The following COL3A1 variants were observed in gnomAD, a reference collection of about 807,000 sequenced individuals.
COL3A1 encodes the protein collagen alpha-1(III) chain.
Under a neutral mutation model 200.9 loss-of-function variants are expected in COL3A1, and 46 were observed. The observed-to-expected ratio is 0.23, with a 90% CI of 0.18 to 0.29. The LOEUF (loss-of-function observed/expected upper bound fraction) is 0.29. Among genes scored for constraint, COL3A1 ranks in the 10% least tolerant of loss-of-function variants. The probability of loss-of-function intolerance (pLI) is 1.00; values close to 1 mark genes in which losing one functional copy is unlikely to be tolerated. For missense variants in COL3A1, 1,367 were observed against 1,917.6 expected (o/e 0.71, Z 5.36); for synonymous variants, 650 against 628.0 (o/e 1.03, Z -0.52).
chr2:188,991,990 C>T (rs1688200117), intron 13 of COL3A1, among the ~76,000 whole-genome samples, 194 bp from the exon 14 acceptor site: 5 of 152,104 alleles, frequency 3.3e-5, no homozygotes, highest in Admixed American at 3.3e-4. Context: ...ACACAGACTC[C>T]AATCCTTCTA....
At chr2:188,984,385 G>A (rs1159050449) in intron 1 of COL3A1, among the ~76,000 whole-genome samples, 1 of 151,960 alleles carries the variant, frequency 6.6e-6, no homozygotes, top group Non-Finnish European at 1.5e-5. Flanking sequence ...GCTCCCATCT[G>A]CTGTTAAGGC....
intron 41 of COL3A1, among the ~76,000 whole-genome samples, chr2:189,005,934 T>C (rs1177863932): frequency 6.6e-6 from 1 of 152,210 alleles, no homozygotes; most frequent in Non-Finnish European, 1.5e-5. Context: ...TTTAGATCAC[T>C]ATTTCTTAAA....
At chr2:188,990,034 T>G in intron 8 of COL3A1, 62 bp from the exon 9 acceptor site, 1 of 1,467,408 alleles carries the variant, frequency 6.8e-7, no homozygotes, top group Non-Finnish European at 9.6e-7. Flanking sequence ...CCATTTTGCT[T>G]ATTGGCTACA....
intron 32 of COL3A1, 92 bp downstream of exon 32, chr2:188,999,987 C>G (rs758698717): frequency 1.2e-5 from 15 of 1,289,526 alleles, no homozygotes; most frequent in Non-Finnish European, 1.4e-5. Context: ...AAAAACTACT[C>G]AAGAGAAATT....
chr2:188,990,878 A>G (rs1688173318), intron 10 of COL3A1, 126 bp from the exon 11 acceptor site: 1 of 939,718 alleles, frequency 1.1e-6, no homozygotes, highest in African/African-American at 1.6e-5. Flanking sequence ...CAAGTTTTAA[A>G]TTATTTAAGC....
intron 44 of COL3A1, among the ~76,000 whole-genome samples, 161 bp downstream of exon 44, chr2:189,007,151 TATAGATAGATGATAGATAGATAG>T (rs1261006027): frequency 7.3e-4 from 77 of 105,350 alleles, no homozygotes; most frequent in African/African-American, 2.4e-3. Flanking sequence ...TTGTTCTATC[TATAGATAGATGATAGATAGATAG>T]ATAGATAGAT....
rs376811688 is a variant in COL3A1 at position 188,997,402 on chromosome 2, A to G, written c.1869+13A>G. 5 of 1,612,946 alleles carry G rather than the reference A, an allele frequency of 3.1e-6. No individual in the cohort carries two copies. Among genetic ancestry groups the G allele is most frequent in the East Asian group, 4.5e-5 (2 of 44,870 alleles). On this transcript the variant is annotated intron_variant, in intron 26 of 50. Coordinates refer to ENST00000304636, the MANE Select transcript of COL3A1 (RefSeq NM_000090.4). ...CCCAGGGCCTACTGTAAGTTCACTCATATAAAATTGGAGATGAAAATAGGG... is the reference window on the plus strand; with the variant it reads ...CCCAGGGCCTACTGTAAGTTCACTCGTATAAAATTGGAGATGAAAATAGGG...
chr2:189,007,851 C>T, intron 45 of COL3A1, 34 bp from the exon 46 acceptor site: 1 of 1,611,278 alleles, frequency 6.2e-7, no homozygotes, highest in Non-Finnish European at 8.5e-7. Flanking sequence ...CTTTTTAAGG[C>T]CTTCACTCCT....
Position 189,005,469 on chromosome 2 carries a change from T to C in COL3A1, c.3039+12T>C, listed in dbSNP as rs1209760508. The C allele has an allele frequency of 6.2e-7, 1 of 1,601,982 alleles. No homozygotes were observed. The highest frequency in any genetic ancestry group is 8.6e-7 in the Non-Finnish European group (1 of 1,169,142). On this transcript the variant is annotated intron_variant, in intron 41 of 50. Transcript: ENST00000304636. ...AACCTGGAAGAGATGTGAGTAGCAG[T>C]TTTTATTCAACCAGCCAGGTAGAAT...
intron 50 of COL3A1, among the ~76,000 whole-genome samples, chr2:189,011,273 G>A (rs1268901628): frequency 6.6e-6 from 1 of 152,092 alleles, no homozygotes; most frequent in Non-Finnish European, 1.5e-5. Context: ...GTGAACAAAG[G>A]GAAAACTCAC....
chr2:188,978,708 G>T lies in COL3A1; in HGVS notation c.79+4140G>T, dbSNP rs192954259. On this transcript the variant is annotated intron_variant, in intron 1 of 50. Transcript: ENST00000304636. ...GAACCCTCTCAGTGAACTGTTTCTT[G>T]TAAAAGTTTTCCCTAAGATAAAAGC... Among the ~76,000 whole-genome samples the T allele has an allele frequency of 3.1e-4, 43 of 136,556 alleles. No homozygotes were observed. In the East Asian group the frequency reaches 8.3e-3, roughly 26 times the overall value. The allele number at this position is 136,556 out of a possible 152,430, so 89.6% of individuals were successfully genotyped here.
Position 189,002,973 on chromosome 2 carries a change from G to C in COL3A1, c.2464G>C (p.Gly822Arg). ...PGAPGQNGEP[G>R]GKGERGAPGE... ...CATGTAGGGACAGAATGGTGAACCTGGTGGTAAAGGAGAAAGAGGGGCTCC... is the reference window on the plus strand; with the variant it reads ...CATGTAGGGACAGAATGGTGAACCTCGTGGTAAAGGAGAAAGAGGGGCTCC... Residue 822 changes from glycine (G) to arginine (R), a missense_variant, in exon 36 of 51, where the codon GGT (glycine) becomes CGT (arginine). Gly to Arg is a moderately radical substitution (Grantham distance 125, BLOSUM62 -2). Around this residue, in one of 5 missense-constraint regions of COL3A1, gnomAD observed 846 missense variants for 1,147.9 expected, o/e 0.74. Transcript: ENST00000304636. 1.3e-6 allele frequency: 2 copies of C among 1,551,652 alleles called. No homozygotes were observed. Among genetic ancestry groups the C allele is most frequent in the Non-Finnish European group, 1.7e-6 (2 of 1,146,942 alleles).
intron 1 of COL3A1, among the ~76,000 whole-genome samples, chr2:188,975,466 G>A (rs1307393744): frequency 6.6e-6 from 1 of 152,100 alleles, no homozygotes; most frequent in African/African-American, 2.4e-5. Flanking sequence ...TCATGAAAAT[G>A]CTGAACAAAT....
chr2:188,999,093 C>A (rs1688393068), intron 29 of COL3A1, among the ~76,000 whole-genome samples, 192 bp from the exon 30 acceptor site: 1 of 152,156 alleles, frequency 6.6e-6, no homozygotes, highest in African/African-American at 2.4e-5. Context: ...GACTAAGTAT[C>A]CAAGTTTTAT....
rs35208035 is a variant in COL3A1, at chr2:189,011,981, A to AT, written c.*214dup. ...ATACAATTCAAATGCTTTTTGTTTT[A>AT]TTTTTTTACCAATTCCAATTTCAAA... is the stretch of plus-strand genomic sequence containing the variant. On this transcript the variant is annotated 3_prime_UTR_variant, in exon 51 of 51. Transcript: ENST00000304636. 3.3e-6 allele frequency: 2 copies of AT among 602,540 alleles called. No homozygotes were observed. The highest frequency in any genetic ancestry group is 3.0e-5 in the Admixed American group (1 of 33,202). 37.3% of individuals were successfully genotyped at this position (602,540 alleles called of 1,614,324 possible).
intron 1 of COL3A1, among the ~76,000 whole-genome samples, chr2:188,977,768 A>G (rs1687853226): frequency 6.6e-6 from 1 of 152,124 alleles, no homozygotes; most frequent in Non-Finnish European, 1.5e-5. Context: ...TTGAAAGGAG[A>G]TACTAAAAAA....
At chr2:189,002,546 C>T (rs567989837) in intron 35 of COL3A1, among the ~76,000 whole-genome samples, 195 bp downstream of exon 35, 9 of 152,266 alleles carry the variant, frequency 5.9e-5, no homozygotes, top group African/African-American at 2.2e-4. Flanking sequence ...AAACACCTGT[C>T]CTGCTTTTAT....
At chr2:188,996,851 T>C (rs1032382920) in intron 24 of COL3A1, among the ~76,000 whole-genome samples, 3 of 152,004 alleles carry the variant, frequency 2.0e-5, no homozygotes, top group Admixed American at 2.0e-4. Context: ...TAGCCAGGCA[T>C]GGTGGCATGT....
chr2:188,989,469 A>G lies in COL3A1; in HGVS notation c.690+20A>G. 1 of 1,587,340 alleles carries G rather than the reference A, an allele frequency of 6.3e-7. No individual in the cohort carries two copies. The highest frequency in any genetic ancestry group is 8.6e-7 in the Non-Finnish European group (1 of 1,160,422). ...AAAGATGTAAGTTTTTAAAACTTAA[A>G]TAAGAATACAGCAAAATTTAACTTG... On this transcript the variant is annotated intron_variant, in intron 8 of 50. Transcript: ENST00000304636.
Sources: allele counts gnomAD v4.1 joint callset (sites outside exome capture counted in the v4.1 genomes callset), GRCh38; gene constraint gnomAD v4.1.1; regional missense constraint gnomAD v4.1.1; transcripts MANE v1.5; gene names NCBI Gene and HGNC (gene_info 2026-07-23, HGNC 2026-07-21).